The following NELL1 variants were observed in gnomAD, a reference collection of about 807,000 sequenced individuals.
NELL1 encodes neural EGFL like 1.
A neutral mutation model predicts 107.4 loss-of-function variants in NELL1; 76 were observed. The ratio of observed to expected loss-of-function variants is 0.71; its 90% CI spans 0.59 to 0.86. NELL1 has a LOEUF of 0.86. NELL1 is among the 40% of genes least tolerant of loss of function. NELL1 has a pLI of 0.00. For missense variants in NELL1, 1,024 were observed against 1,005.5 expected, an observed-to-expected ratio of 1.02 and a Z score of -0.25; for synonymous variants, 353 against 341.2, an observed-to-expected ratio of 1.03 and a Z score of -0.38.
chr11:21,447,219 C>G (rs947875740), intron 15 of NELL1, among the ~76,000 whole-genome samples: 14 of 152,102 alleles, frequency 9.2e-5, no homozygotes, highest in Admixed American at 2.0e-4. Context: ...CATCCCAGAG[C>G]CAAGGACTGG....
intron 12 of NELL1, among the ~76,000 whole-genome samples, chr11:21,011,069 C>G (rs191682456): frequency 1.4e-4 from 21 of 152,196 alleles, no homozygotes; most frequent in African/African-American, 2.9e-4. Flanking sequence ...CATTTTCTAG[C>G]TTTATTTCCC....
At chr11:21,296,201 GTTAT>G (rs1388876286) in intron 14 of NELL1, among the ~76,000 whole-genome samples, 1 of 151,682 alleles carries the variant, frequency 6.6e-6, no homozygotes, top group African/African-American at 2.4e-5. Context: ...TCCCAGTTCT[GTTAT>G]TTTGAACACA....
At chr11:21,262,457 G>T (rs1477567627) in intron 14 of NELL1, 1 of 151,868 alleles carries the variant, frequency 6.6e-6, no homozygotes, top group Non-Finnish European at 1.5e-5. Flanking sequence ...GTCTTATGAA[G>T]TGAGTTAATA....
intron 12 of NELL1, among the ~76,000 whole-genome samples, chr11:21,023,350 C>T (rs7122403): frequency 0.15 from 22,199 of 151,866 alleles, 5,146 homozygotes; most frequent in African/African-American, 0.49. Context: ...TATAGTAATG[C>T]GAAAAGAGTA....
chr11:21,004,971 A>G (rs1349815913), intron 12 of NELL1, among the ~76,000 whole-genome samples: 2 of 152,210 alleles, frequency 1.3e-5, no homozygotes, highest in Admixed American at 6.5e-5. Flanking sequence ...AAACAGGCTT[A>G]TATCAGGAAT....
chr11:21,521,095 T>C (rs964379467), intron 15 of NELL1, among the ~76,000 whole-genome samples: 1 of 152,250 alleles, frequency 6.6e-6, no homozygotes, highest in Non-Finnish European at 1.5e-5. Flanking sequence ...TCTAAAGTTA[T>C]GGCTTTATAC....
chr11:21,545,989 G>C (rs1425539799), intron 16 of NELL1, among the ~76,000 whole-genome samples: 1 of 151,910 alleles, frequency 6.6e-6, no homozygotes, highest in South Asian at 2.1e-4. Context: ...TGAAAATACT[G>C]CCTTGGGGTT....
At chr11:20,752,902 G>A (rs1856174325) in intron 2 of NELL1, among the ~76,000 whole-genome samples, 1 of 152,150 alleles carries the variant, frequency 6.6e-6, no homozygotes, top group Non-Finnish European at 1.5e-5. Context: ...CTATGTCTGG[G>A]TGAAGTAGAA....
At chr11:21,345,361 C>A (rs1198621299) in intron 14 of NELL1, among the ~76,000 whole-genome samples, 1 of 152,184 alleles carries the variant, frequency 6.6e-6, no homozygotes, top group East Asian at 1.9e-4. Context: ...CCTATCCCCA[C>A]CTTCTGACAA....
chr11:20,781,456 A>T (rs997067446), intron 2 of NELL1, among the ~76,000 whole-genome samples: 1 of 152,088 alleles, frequency 6.6e-6, no homozygotes, highest in Non-Finnish European at 1.5e-5. Flanking sequence ...GGGTTGGATG[A>T]TATCACTCAG....
chr11:21,163,859 A>C (rs943906720), intron 13 of NELL1, among the ~76,000 whole-genome samples: 28 of 151,914 alleles, frequency 1.8e-4, no homozygotes, highest in African/African-American at 6.3e-4. Flanking sequence ...CTGCTACCAA[A>C]TACCATCACA....
At chr11:20,692,682 T>G (rs1466273013) in intron 2 of NELL1, among the ~76,000 whole-genome samples, 2 of 152,088 alleles carry the variant, frequency 1.3e-5, no homozygotes, top group Non-Finnish European at 2.9e-5. Context: ...CTTTTACATT[T>G]GCTGAGGAGT....
intron 15 of NELL1, among the ~76,000 whole-genome samples, chr11:21,469,749 G>A (rs557359361): frequency 6.6e-6 from 1 of 152,142 alleles, no homozygotes; most frequent in Admixed American, 6.6e-5. Flanking sequence ...TAATTCAATA[G>A]AAGCGTATTA....
At chr11:21,193,755 T>G (rs1318326887) in intron 13 of NELL1, among the ~76,000 whole-genome samples, 2 of 151,878 alleles carry the variant, frequency 1.3e-5, no homozygotes, top group Non-Finnish European at 2.9e-5. Context: ...GTGACAGGGA[T>G]AAAAAGAAAG....
At chr11:20,985,485 C>T (rs11025855) in intron 12 of NELL1, among the ~76,000 whole-genome samples, 22,374 of 151,924 alleles carry the variant, frequency 0.15, 2,078 homozygotes, top group East Asian at 0.26. Flanking sequence ...TCAGCTTGGG[C>T]GTATGGACAG....
intron 14 of NELL1, among the ~76,000 whole-genome samples, chr11:21,366,377 C>A (rs573644570): frequency 6.6e-6 from 1 of 152,214 alleles, no homozygotes; most frequent in African/African-American, 2.4e-5. Context: ...TGATTTCCTT[C>A]CCATTTTGGA....
At chr11:21,485,052 T>A (rs1418533354) in intron 15 of NELL1, among the ~76,000 whole-genome samples, 1 of 152,034 alleles carries the variant, frequency 6.6e-6, no homozygotes, top group South Asian at 2.1e-4. Context: ...GTGAGTGACG[T>A]CAGGGTTTCA....
intron 14 of NELL1, among the ~76,000 whole-genome samples, chr11:21,313,887 G>A (rs185513117): frequency 0.024 from 3,632 of 151,902 alleles, 149 homozygotes; most frequent in African/African-American, 0.084. Context: ...CATCATGGCA[G>A]TGGATATCTT....
chr11:21,470,822 ACTAGCATTTACTGCCATGTCCTCT>A (rs1341388263), intron 15 of NELL1, among the ~76,000 whole-genome samples: 1 of 152,130 alleles, frequency 6.6e-6, no homozygotes. Flanking sequence ...CAGGTCCTGC[ACTAGCATTTACTGCCATGTCCTCT>A]GGACAAAGGA....
Sources: allele counts gnomAD v4.1 joint callset (sites outside exome capture counted in the v4.1 genomes callset), GRCh38; gene constraint gnomAD v4.1.1; transcripts MANE v1.5; gene names NCBI Gene and HGNC (gene_info 2026-07-23, HGNC 2026-07-21).